The following PRUNE1 variants were observed in gnomAD, a reference collection of about 807,000 sequenced individuals.
PRUNE1 encodes the protein prune exopolyphosphatase 1.
Under a neutral mutation model 42.5 loss-of-function variants are expected in PRUNE1, and 25 were observed. The ratio of observed to expected loss-of-function variants is 0.59; its 90% CI spans 0.43 to 0.82. PRUNE1 has a LOEUF of 0.82. Among genes scored for constraint, PRUNE1 ranks in the 40% least tolerant of loss-of-function variants. The pLI is 0.00. For missense variants in PRUNE1, 443 were observed against 539.3 expected, an observed-to-expected ratio of 0.82 and a Z score of 1.77; for synonymous variants, 203 against 217.1, an observed-to-expected ratio of 0.93 and a Z score of 0.57.
Position 151,017,894 on chromosome 1 carries a change from A to G in PRUNE1, c.122A>G (p.Tyr41Cys). The G allele has an allele frequency of 6.3e-7, 1 of 1,585,252 alleles. No individual in the cohort carries two copies. The highest frequency in any genetic ancestry group is 1.3e-5 in the African/African-American group (1 of 74,262). Residue 41 changes from tyrosine (Y) to cysteine (C), a missense_variant, in exon 2 of 8, where the codon TAC (tyrosine) becomes TGC (cysteine). Physicochemically the swap from Tyr to Cys is radical, Grantham distance 194. Transcript: ENST00000271620. ...STVSALALAF[Y>C]LAKTTEAEEV... ...GTGTCTGCTCTTGCCCTGGCTTTTTACCTAGCAAAGGTGGGTAAAAAAACG... is the reference window on the plus strand; with the variant it reads ...GTGTCTGCTCTTGCCCTGGCTTTTTGCCTAGCAAAGGTGGGTAAAAAAACG...
In PRUNE1 at chr1:151,028,904, AG is replaced by A; in HGVS notation, c.894del (p.Gln298HisfsTer27). ...AACACTCACAATGAGCCAGTGCGGC[AG>A]TTGGCTATTTTCTGTCCCCATGTGG... ...FFNTHNEPVR[Q>X]LAIFCPHVAL... On this transcript the variant is annotated frameshift_variant, in exon 7 of 8. Coordinates refer to ENST00000271620, the MANE Select transcript of PRUNE1 (RefSeq NM_021222.3). LOFTEE classifies it high-confidence loss of function. The A allele has an allele frequency of 1.2e-6, 2 of 1,613,820 alleles. No individual in the cohort carries two copies. Among genetic ancestry groups the A allele is most frequent in the Non-Finnish European group, 1.7e-6 (2 of 1,179,760 alleles).
chr1:151,022,502 T>C (rs1372312246), intron 3 of PRUNE1, among the ~76,000 whole-genome samples: 5 of 150,050 alleles, frequency 3.3e-5, no homozygotes, highest in Admixed American at 6.7e-5. Flanking sequence ...CACTGCAAGC[T>C]CCGCCTCCCG....
chr1:151,033,621 ACCTCAT>A, intron 7 of PRUNE1, among the ~76,000 whole-genome samples, 179 bp from the exon 8 acceptor site: 1 of 141,272 alleles, frequency 7.1e-6, no homozygotes, highest in Admixed American at 7.1e-5. Flanking sequence ...CAATCTCCTG[ACCTCAT>A]GATCCACCCG....
At chr1:151,031,664 C>G (rs959292059) in intron 7 of PRUNE1, among the ~76,000 whole-genome samples, 1 of 152,068 alleles carries the variant, frequency 6.6e-6, no homozygotes, top group Non-Finnish European at 1.5e-5. Flanking sequence ...CCTCAGTTTC[C>G]CTGCATGTAA....
At chr1:151,027,128 G>A (rs1674894697) in intron 5 of PRUNE1, 105 bp from the exon 6 acceptor site, 3 of 697,974 alleles carry the variant, frequency 4.3e-6, no homozygotes, top group Non-Finnish European at 7.4e-6. Context: ...TTGCCCCAAA[G>A]AGAGGCTGTT....
intron 3 of PRUNE1, among the ~76,000 whole-genome samples, chr1:151,022,424 T>G (rs1674517465): frequency 6.7e-6 from 1 of 148,864 alleles, no homozygotes; most frequent in Admixed American, 6.7e-5. Flanking sequence ...TAATTTTTTT[T>G]TTTTTTTTTT....
At position 151,028,858 on chromosome 1, in the gene PRUNE1, G is replaced by A. The variant is rs746445263; in HGVS notation, c.847G>A (p.Val283Ile). ...CCAGGCTCACAGCTATGATGTCCTG[G>A]TTGCCATGACTATCTTTTTCAACAC... is the stretch of plus-strand genomic sequence containing the variant. Reference protein sequence around the residue: ...FCQAHSYDVLVAMTIFFNTHN... With the variant: ...FCQAHSYDVLIAMTIFFNTHN... The change falls in exon 7 of 8, where the codon GTT becomes ATT. Residue 283 changes from valine to isoleucine, a missense_variant. Transcript: ENST00000271620. 1.9e-6 allele frequency: 3 copies of A among 1,613,874 alleles called. No homozygotes were observed. Among genetic ancestry groups the A allele is most frequent in the Admixed American group, 3.3e-5 (2 of 59,980 alleles).
rs587731171 is a variant in PRUNE1 at position 151,021,782 on chromosome 1, A to G, written c.336-2829A>G. ...GCCTAGGTTGGAGTGCAATAGTGCA[A>G]TCTAGGCTCACTGCAACCTCCGCCT... On this transcript the variant is annotated intron_variant, in intron 3 of 7. Transcript: ENST00000271620. Among the ~76,000 whole-genome samples, 5 of 151,106 alleles carry G rather than the reference A, an allele frequency of 3.3e-5. No individual in the cohort carries two copies. The South Asian group carries it at 8.4e-4, about 25-fold the overall frequency.
rs1308742474 is a variant in PRUNE1 at position 151,008,676 on chromosome 1, CGAATCCCT to C, written c.39+7_39+14del. On this transcript the variant is annotated splice_donor_region_variant and intron_variant, in intron 1 of 7. Transcript: ENST00000271620. ...GGTTGTCGAGCTGCTCTGCAGGTAA[CGAATCCCT>C]GTCTGTGACTGTAAGGAATGGAGCA... The C allele has an allele frequency of 1.2e-6, 2 of 1,613,852 alleles. No individual in the cohort carries two copies. Among genetic ancestry groups the C allele is most frequent in the Non-Finnish European group, 1.7e-6 (2 of 1,179,952 alleles).
intron 1 of PRUNE1, among the ~76,000 whole-genome samples, chr1:151,010,474 T>G (rs902688768): frequency 2.0e-5 from 3 of 152,072 alleles, no homozygotes; most frequent in Non-Finnish European, 4.4e-5. Context: ...CTCCCTGCAT[T>G]CATCCCCCAA....
intron 1 of PRUNE1, among the ~76,000 whole-genome samples, chr1:151,012,522 T>C (rs1184759861): frequency 6.6e-6 from 1 of 152,092 alleles, no homozygotes; most frequent in Non-Finnish European, 1.5e-5. Flanking sequence ...CTCCTTAAGA[T>C]AGAAGTTAAG....
chr1:151,034,105 C>T lies in PRUNE1; in HGVS notation c.1233C>T (p.Pro411=). The change falls in exon 8 of 8, where the codon CCC becomes CCT. Residue 411 remains proline (P), a synonymous_variant. Coordinates refer to ENST00000271620, the MANE Select transcript of PRUNE1 (RefSeq NM_021222.3). ...DEEDPPLPPT[P]MNSLVDECPL... The stretch of plus-strand genomic sequence containing the variant: ...AGGACCCTCCGCTGCCCCCGACGCC[C>T]ATGAACAGCTTGGTGGATGAGTGCC... 5 of 1,614,200 alleles carry T rather than the reference C, an allele frequency of 3.1e-6. No homozygotes were observed. Among genetic ancestry groups the T allele is most frequent in the Non-Finnish European group, 4.2e-6 (5 of 1,180,040 alleles).
chr1:151,008,607 G>T lies in PRUNE1; in HGVS notation c.-26G>T. 1 of 1,614,162 alleles carries T rather than the reference G, an allele frequency of 6.2e-7. No individual in the cohort carries two copies. The highest frequency in any genetic ancestry group is 8.5e-7 in the Non-Finnish European group (1 of 1,179,992). ...CCAGGGGCACCTCTACTCGACCAGG[G>T]GCGACGGCGTACTTTGGGCTTCATC... On this transcript the variant is annotated 5_prime_UTR_variant, in exon 1 of 8. Coordinates refer to ENST00000271620, the MANE Select transcript of PRUNE1 (RefSeq NM_021222.3).
At position 151,023,908 on chromosome 1, in the gene PRUNE1, C is replaced by T. The variant is rs181590061; in HGVS notation, c.336-703C>T. 2.4e-4 allele frequency among the ~76,000 whole-genome samples: 37 copies of T among 151,942 alleles called. 1 individual carries two copies. The East Asian group carries it at 5.5e-3, about 22-fold the overall frequency. ...AACATTAAAGAAAAGAATTGCTGGG[C>T]GCGGTGGCTCACGCCTGTAATCCCA... On this transcript the variant is annotated intron_variant, in intron 3 of 7. Coordinates refer to ENST00000271620, the MANE Select transcript of PRUNE1 (RefSeq NM_021222.3).
chr1:151,024,881 C>A, intron 4 of PRUNE1, 86 bp downstream of exon 4: 1 of 1,361,544 alleles, frequency 7.3e-7, no homozygotes, highest in Non-Finnish European at 1.0e-6. Flanking sequence ...CGCTTCCAGC[C>A]TAACCATATG....
intron 1 of PRUNE1, among the ~76,000 whole-genome samples, chr1:151,016,314 C>T (rs1248160413): frequency 6.6e-6 from 1 of 152,010 alleles, no homozygotes; most frequent in Non-Finnish European, 1.5e-5. Flanking sequence ...TCATTCCACC[C>T]AGCAGAATGC....
intron 7 of PRUNE1, 44 bp from the exon 8 acceptor site, chr1:151,033,762 A>G (rs890531040): frequency 3.9e-6 from 6 of 1,552,076 alleles, no homozygotes; most frequent in East Asian, 4.5e-5. Context: ...GCACTTTGCT[A>G]CAGCAAGTTG....
intron 1 of PRUNE1, among the ~76,000 whole-genome samples, chr1:151,014,541 G>A (rs1673982427): frequency 6.6e-6 from 1 of 152,216 alleles, no homozygotes; most frequent in East Asian, 1.9e-4. Context: ...GGGAAGAGAA[G>A]AGTGATAGCC....
rs1307839156 is a variant in PRUNE1 at position 151,034,596 on chromosome 1, G to GA, written c.*362_*363insA. ...CTTGAACAGAACCAGTATCTGTCAT[G>GA]GAACTGAACATTCATCGATGGTCTC... is the stretch of plus-strand genomic sequence containing the variant. On this transcript the variant is annotated 3_prime_UTR_variant, in exon 8 of 8. Coordinates refer to ENST00000271620, the MANE Select transcript of PRUNE1 (RefSeq NM_021222.3). 9.3e-6 allele frequency: 2 copies of GA among 215,754 alleles called. No homozygotes were observed. Among genetic ancestry groups the GA allele is most frequent in the African/African-American group, 4.5e-5 (2 of 44,712 alleles). The allele number at this position is 215,754 out of a possible 1,614,324, so 13.4% of individuals were successfully genotyped here. A position where few individuals can be genotyped will look rare whatever the true frequency, so the allele number is the denominator to read the frequency against.
Sources: allele counts gnomAD v4.1 joint callset (sites outside exome capture counted in the v4.1 genomes callset), GRCh38; gene constraint gnomAD v4.1.1; transcripts MANE v1.5; gene names NCBI Gene and HGNC (gene_info 2026-07-23, HGNC 2026-07-21).